The following MBP variants were observed in gnomAD, a reference collection of about 807,000 sequenced individuals.
MBP encodes the protein Golli-MBP.
A neutral mutation model predicts 35.8 loss-of-function variants in MBP; 16 were observed. The observed-to-expected ratio is 0.45, with a 90% CI of 0.30 to 0.68. The LOEUF is 0.68. MBP is among the 30% of genes least tolerant of loss of function. MBP has a pLI of 0.08. For missense variants in MBP, 380 were observed against 404.7 expected, an observed-to-expected ratio of 0.94 and a Z score of 0.52; for synonymous variants, 143 against 159.6, an observed-to-expected ratio of 0.90 and a Z score of 0.78.
intron 4 of MBP, among the ~76,000 whole-genome samples, chr18:76,996,748 C>T (rs56074629): frequency 1.3e-5 from 2 of 151,948 alleles, no homozygotes; most frequent in Non-Finnish European, 2.9e-5. Flanking sequence ...GGGAGGGGGA[C>T]GTGGGAGGAT....
intron 3 of MBP, 197 bp downstream of exon 3, chr18:77,066,101 G>A (rs769251857): frequency 1.1e-5 from 6 of 522,926 alleles, no homozygotes; most frequent in African/African-American, 5.8e-5. Context: ...GGGCTCAAGC[G>A]ATCCTCTTGC....
At chr18:77,038,924 G>A (rs1235800518) in intron 3 of MBP, among the ~76,000 whole-genome samples, 1 of 152,244 alleles carries the variant, frequency 6.6e-6, no homozygotes, top group Non-Finnish European at 1.5e-5. Flanking sequence ...TGAATAATCA[G>A]TGAGAGGCGT....
chr18:77,115,587 A>G (rs1976635831), intron 1 of MBP: 1 of 152,226 alleles, frequency 6.6e-6, no homozygotes, highest in African/African-American at 2.4e-5. Flanking sequence ...CGTGGTCTCA[A>G]AGAAAACCTG....
Position 76,980,335 on chromosome 18 carries a change from G to T in MBP, c.*92C>A. 1 of 1,194,650 alleles carries T rather than the reference G, an allele frequency of 8.4e-7. No homozygotes were observed. The highest frequency in any genetic ancestry group is 1.3e-6 in the Non-Finnish European group (1 of 796,908). The allele number at this position is 1,194,650 out of a possible 1,614,324, so 74.0% of individuals were successfully genotyped here. A position where few individuals can be genotyped will look rare whatever the true frequency, so the allele number is the denominator to read the frequency against. On this transcript the variant is annotated 3_prime_UTR_variant, in exon 9 of 9. Transcript: ENST00000355994. The stretch of plus-strand genomic sequence containing the variant: ...GCAGGCATTAGGGGAGGGGTCATCT[G>T]CTCTAATTAGGTAACAGGGGCAAGT...
intron 2 of MBP, among the ~76,000 whole-genome samples, chr18:77,085,338 A>G (rs918417834): frequency 6.6e-6 from 1 of 152,218 alleles, no homozygotes; most frequent in African/African-American, 2.4e-5. Flanking sequence ...TGCTCAAAAG[A>G]CAGTAACAGA....
chr18:76,984,018 G>C (rs1448721935), intron 8 of MBP: 5 of 152,220 alleles, frequency 3.3e-5, no homozygotes, highest in African/African-American at 1.2e-4. Flanking sequence ...AGAGCCTTTG[G>C]CTTCACGGTT....
intron 3 of MBP, among the ~76,000 whole-genome samples, chr18:77,047,708 C>T (rs1436201777): frequency 4.6e-5 from 7 of 152,072 alleles, no homozygotes; most frequent in Non-Finnish European, 8.8e-5. Flanking sequence ...TTTGTTGCTT[C>T]GACACAACTT....
At chr18:76,980,492 G>T (rs1168659172) in intron 8 of MBP, 21 bp from the exon 9 acceptor site, 1 of 1,609,302 alleles carries the variant, frequency 6.2e-7, no homozygotes, top group African/African-American at 1.3e-5. Flanking sequence ...AGAGAGAGGA[G>T]TTAGGACGAG....
chr18:77,115,117 C>T (rs1314990701), intron 1 of MBP: 6 of 152,232 alleles, frequency 3.9e-5, no homozygotes, highest in Non-Finnish European at 8.8e-5. Flanking sequence ...TGTAGCCACC[C>T]GTATGTCCCT....
intron 4 of MBP, chr18:77,016,510 AC>A (rs1402230685): frequency 1.2e-5 from 14 of 1,202,810 alleles, no homozygotes; most frequent in Non-Finnish European, 1.5e-5. Flanking sequence ...ACCACCAGAG[AC>A]CCTGAGAATG....
intron 4 of MBP, among the ~76,000 whole-genome samples, chr18:77,010,780 C>T (rs1412173776): frequency 6.6e-6 from 1 of 152,206 alleles, no homozygotes; most frequent in East Asian, 1.9e-4. Context: ...AGAGTATCTG[C>T]TATATCAATG....
At chr18:77,096,227 C>T (rs1975752477) in intron 2 of MBP, among the ~76,000 whole-genome samples, 1 of 152,214 alleles carries the variant, frequency 6.6e-6, no homozygotes, top group South Asian at 2.1e-4. Context: ...ATTCTATTTA[C>T]ATGTTGATGG....
In MBP at chr18:77,116,242, A is replaced by G. The variant is rs543854949; in HGVS notation, c.-25-10956T>C. On this transcript the variant is annotated intron_variant, in intron 1 of 8. Coordinates refer to ENST00000355994, the MANE Select transcript of MBP (RefSeq NM_001025101.2). ...GATTCTAATCAAGAAAGAGAATGCA[A>G]TGTGTGGTCATTAACCTCACCATGG... 1.3e-3 allele frequency among the ~76,000 whole-genome samples: 192 copies of G among 152,304 alleles called. 1 individual carries two copies. Among genetic ancestry groups the G allele is most frequent in the African/African-American group, 4.3e-3 (180 of 41,552 alleles).
intron 4 of MBP, chr18:77,014,957 T>A: frequency 1.0e-6 from 1 of 984,700 alleles, no homozygotes; most frequent in Non-Finnish European, 1.2e-6. Context: ...TGAAAGTGTT[T>A]TGATTTTTAT....
chr18:77,093,982 T>TC (rs1242822966), intron 2 of MBP, among the ~76,000 whole-genome samples: 2 of 29,772 alleles, frequency 6.7e-5, no homozygotes, highest in East Asian at 0.018. Context: ...TTTTTTCTTC[T>TC]TTTTTTTTTT....
chr18:76,984,754 G>A (rs755442156), intron 8 of MBP, 21 bp downstream of exon 8: 1 of 1,613,746 alleles, frequency 6.2e-7, no homozygotes, highest in Non-Finnish European at 8.5e-7. Flanking sequence ...GCTCAGTGGA[G>A]CTGAGCAGAG....
intron 4 of MBP, chr18:77,014,854 ATCT>A: frequency 1.0e-6 from 1 of 985,336 alleles, no homozygotes; most frequent in Non-Finnish European, 1.2e-6. Context: ...TCATTAAAAA[ATCT>A]TCTATATTCA....
intron 4 of MBP, chr18:77,015,948 C>G (rs1971597458): frequency 1.0e-6 from 1 of 985,334 alleles, no homozygotes; most frequent in Admixed American, 6.1e-5. Context: ...TGTGAGAACA[C>G]CCAATAAACT....
chr18:77,129,074 G>A (rs73970923), intron 1 of MBP, among the ~76,000 whole-genome samples: 1 of 152,142 alleles, frequency 6.6e-6, no homozygotes. Context: ...GTCCATCTGG[G>A]TTTTCTCATT....
Sources: gnomAD v4.1 joint callset for allele counts (sites outside exome capture counted in the v4.1 genomes callset) on GRCh38, gnomAD v4.1.1 for gene constraint, MANE v1.5 for transcripts, NCBI Gene and HGNC (gene_info 2026-07-23, HGNC 2026-07-21) for gene names.